CACNA2D2: variants seen among roughly 807,000 people sequenced by gnomAD.
CACNA2D2 encodes the protein voltage-dependent calcium channel subunit alpha-2/delta-2.
Under a neutral mutation model 166.4 loss-of-function variants are expected in CACNA2D2, and 48 were observed. The ratio of observed to expected loss-of-function variants is 0.29; its 90% CI spans 0.23 to 0.37. The LOEUF is 0.37. CACNA2D2 is among the 10% of genes least tolerant of loss of function. The pLI is 1.00. For missense variants in CACNA2D2, 1,122 were observed against 1,433.0 expected, an observed-to-expected ratio of 0.78 and a Z score of 3.50; for synonymous variants, 561 against 573.7, an observed-to-expected ratio of 0.98 and a Z score of 0.32.
chr3:50,422,917 G>A (rs2106845929), intron 3 of CACNA2D2, among the ~76,000 whole-genome samples: 1 of 152,330 alleles, frequency 6.6e-6, no homozygotes, highest in South Asian at 2.1e-4. Flanking sequence ...GCCCAGCTCT[G>A]CTACGCGGCC....
At chr3:50,377,181 TTA>T (rs1268515022) in intron 17 of CACNA2D2, among the ~76,000 whole-genome samples, 1 of 152,262 alleles carries the variant, frequency 6.6e-6, no homozygotes. Flanking sequence ...TGCCCATTGT[TTA>T]TGTTTTGTTT....
chr3:50,389,512 A>G (rs1163507994), intron 4 of CACNA2D2, among the ~76,000 whole-genome samples: 1 of 152,192 alleles, frequency 6.6e-6, no homozygotes. Context: ...AAGCATGGGA[A>G]AGGACACAGG....
intron 3 of CACNA2D2, among the ~76,000 whole-genome samples, chr3:50,409,042 T>G (rs1160722329): frequency 6.6e-6 from 1 of 152,250 alleles, no homozygotes; most frequent in Non-Finnish European, 1.5e-5. Context: ...CCCATTGGGC[T>G]GGACTTTCTG....
chr3:50,489,508 G>T (rs1698432753), intron 1 of CACNA2D2, among the ~76,000 whole-genome samples: 1 of 152,200 alleles, frequency 6.6e-6, no homozygotes, highest in South Asian at 2.1e-4. Flanking sequence ...TAGTCATGAG[G>T]TCTGGGCAGC....
intron 2 of CACNA2D2, among the ~76,000 whole-genome samples, chr3:50,469,161 A>C (rs1370097714): frequency 3.9e-5 from 6 of 152,062 alleles, no homozygotes; most frequent in Admixed American, 6.5e-5. Context: ...ATGAGGCCTG[A>C]AAGACAAGGT....
At chr3:50,412,264 G>A (rs1707053125) in intron 3 of CACNA2D2, among the ~76,000 whole-genome samples, 1 of 152,264 alleles carries the variant, frequency 6.6e-6, no homozygotes, top group Non-Finnish European at 1.5e-5. Flanking sequence ...ATCTGGGCAG[G>A]GTGGGTTGCC....
intron 1 of CACNA2D2, among the ~76,000 whole-genome samples, chr3:50,480,836 T>G (rs1378617787): frequency 2.5e-4 from 2 of 7,884 alleles, no homozygotes; most frequent in Non-Finnish European, 2.3e-4. Context: ...GGAAGGGGGT[T>G]GGAATGGGGA....
chr3:50,473,205 T>C (rs1710172345), intron 2 of CACNA2D2, among the ~76,000 whole-genome samples: 1 of 152,156 alleles, frequency 6.6e-6, no homozygotes, highest in Admixed American at 6.5e-5. Flanking sequence ...TATGCCACAG[T>C]TTCAACCTGC....
In CACNA2D2 at chr3:50,503,343, G is replaced by T; in HGVS notation, c.81C>A (p.Pro27=). The T allele has an allele frequency of 2.8e-6, 1 of 354,488 alleles. No individual in the cohort carries two copies. Among genetic ancestry groups the T allele is most frequent in the Non-Finnish European group, 4.8e-6 (1 of 210,440 alleles). 22.0% of individuals were successfully genotyped at this position (354,488 alleles called of 1,614,324 possible). A position where few individuals can be genotyped will look rare whatever the true frequency, so the allele number is the denominator to read the frequency against. ...RTARPWPGCG[P]HPGPGTRRPT... ...GGCGCCGGGTGCCGGGGCCAGGGTG[G>T]GGGCCGCAGCCGGGCCAGGGGCGCG... is the stretch of plus-strand genomic sequence containing the variant. Residue 27 remains proline (P), a synonymous_variant, in exon 1 of 38, where the codon CCC becomes CCA. Transcript: ENST00000424201.
Position 50,363,295 on chromosome 3 carries a change from C to T in CACNA2D2, c.*1371G>A, listed in dbSNP as rs1254117145. The T allele has an allele frequency of 2.5e-6, 1 of 398,696 alleles. No individual in the cohort carries two copies. The highest frequency in any genetic ancestry group is 3.6e-5 in the East Asian group (1 of 28,088). 24.7% of individuals were successfully genotyped at this position (398,696 alleles called of 1,614,324 possible). A position where few individuals can be genotyped will look rare whatever the true frequency, so the allele number is the denominator to read the frequency against. ...ACTGAGAAAGCGACAAGCAACATGA[C>T]ATTAATTAACGAAGCCATTAATTAA... On this transcript the variant is annotated 3_prime_UTR_variant, in exon 38 of 38. Transcript: ENST00000424201.
rs201510851 is a variant in CACNA2D2 at position 50,365,163 on chromosome 3, C to T, written c.3120G>A (p.Leu1040=). The change falls in exon 36 of 38, where the codon CTG becomes CTA. Residue 1040 remains leucine, a synonymous_variant. Transcript: ENST00000424201. This position sits in a 1 kb window ranked among gnomAD's most constrained non-coding sequence, Gnocchi z 4.5. ...NCSRLFHAQR[L]TNTNLLFVVA... is the part of the protein sequence containing the mutation. ...CCACAAAGAGAAGATTGGTGTTGGT[C>T]AGTCTCTGCGCGTGGAACAGCCTGC... 6.2e-7 allele frequency: 1 copy of T among 1,612,050 alleles called. No homozygotes were observed. Among genetic ancestry groups the T allele is most frequent in the Non-Finnish European group, 8.5e-7 (1 of 1,179,736 alleles).
intron 1 of CACNA2D2, among the ~76,000 whole-genome samples, chr3:50,492,379 C>T (rs1050227273): frequency 6.6e-6 from 1 of 152,240 alleles, no homozygotes; most frequent in African/African-American, 2.4e-5. Context: ...CCTGAATGGC[C>T]TCCTTCAGGC....
intron 3 of CACNA2D2, among the ~76,000 whole-genome samples, chr3:50,408,767 C>A (rs1392202314): frequency 1.3e-5 from 2 of 152,300 alleles, no homozygotes; most frequent in Non-Finnish European, 2.9e-5. Flanking sequence ...AGGCCTACCC[C>A]ACACTGCACA....
intron 1 of CACNA2D2, among the ~76,000 whole-genome samples, chr3:50,486,798 T>C (rs1698302343): frequency 6.6e-6 from 1 of 152,200 alleles, no homozygotes; most frequent in Non-Finnish European, 1.5e-5. Flanking sequence ...GCCTGGAGCC[T>C]GGCCAAAAAG....
chr3:50,367,782 T>C lies in CACNA2D2; in HGVS notation c.2234+30A>G. On this transcript the variant is annotated intron_variant, in intron 25 of 37. Coordinates refer to ENST00000424201, the MANE Select transcript of CACNA2D2 (RefSeq NM_006030.4). This position sits in a 1 kb window ranked among gnomAD's most constrained non-coding sequence, Gnocchi z 6.5. Reference sequence around the variant, plus strand: ...CAGGGCCTCTGGGCCCATCCTAGCCTTCTGCCCCCACAGGCTGGGTGATGC... The same window carrying C: ...CAGGGCCTCTGGGCCCATCCTAGCCCTCTGCCCCCACAGGCTGGGTGATGC... 3.7e-6 allele frequency: 6 copies of C among 1,612,524 alleles called. No individual in the cohort carries two copies. The highest frequency in any genetic ancestry group is 5.1e-6 in the Non-Finnish European group (6 of 1,178,906).
chr3:50,487,233 A>AG (rs1399712701), intron 1 of CACNA2D2, among the ~76,000 whole-genome samples: 1 of 152,238 alleles, frequency 6.6e-6, no homozygotes, highest in Non-Finnish European at 1.5e-5. Flanking sequence ...GTTGCAGGTA[A>AG]GAGCCGCCCC....
At chr3:50,418,668 C>T (rs933925176) in intron 3 of CACNA2D2, among the ~76,000 whole-genome samples, 3 of 152,222 alleles carry the variant, frequency 2.0e-5, no homozygotes, top group African/African-American at 7.2e-5. Flanking sequence ...GGGCCATGGC[C>T]GCCTCTTCTC....
chr3:50,370,289 G>A (rs1291293339), intron 23 of CACNA2D2, 31 bp downstream of exon 23: 2 of 1,544,658 alleles, frequency 1.3e-6, no homozygotes, highest in East Asian at 2.4e-5. Flanking sequence ...GGGTAGGGGA[G>A]GACACCTCAG....
upstream of CACNA2D2, chr3:50,504,188 A>T (rs1299776739): frequency 6.6e-6 from 1 of 152,200 alleles, no homozygotes; most frequent in African/African-American, 2.4e-5. Flanking sequence ...GCACGGCTGT[A>T]CGGTTGTGGG....
Sources: gnomAD v4.1 joint callset for allele counts (sites outside exome capture counted in the v4.1 genomes callset) on GRCh38, gnomAD v4.1.1 for gene constraint, Gnocchi (gnomAD v3.1) non-coding constraint, MANE v1.5 for transcripts, NCBI Gene and HGNC (gene_info 2026-07-23, HGNC 2026-07-21) for gene names.